The following ULK4 variants were observed in gnomAD, a reference collection of about 807,000 sequenced individuals.
The protein encoded by ULK4 is inactive serine/threonine-protein kinase ULK4.
Under a neutral mutation model 160.6 loss-of-function variants are expected in ULK4, and 133 were observed. That is an observed-to-expected ratio of 0.83 (90% CI 0.72 to 0.96). The LOEUF (loss-of-function observed/expected upper bound fraction) is 0.96, where lower values mean the gene tolerates loss of function less well. ULK4 is among the 40% of genes least tolerant of loss of function. The probability of loss-of-function intolerance (pLI) is 0.00; values close to 1 mark genes in which losing one functional copy is unlikely to be tolerated. For synonymous variants in ULK4, 534 were observed against 539.8 expected, an observed-to-expected ratio of 0.99 and a Z score of 0.15; for missense variants, 1,580 against 1,499.5, an observed-to-expected ratio of 1.05 and a Z score of -0.89.
chr3:41,428,691 T>C (rs1357109145), intron 34 of ULK4, among the ~76,000 whole-genome samples: 1 of 152,108 alleles, frequency 6.6e-6, no homozygotes, highest in Non-Finnish European at 1.5e-5. Flanking sequence ...ATGTAATAAG[T>C]GGTGCTGGGA....
chr3:41,432,109 G>C (rs140145743), intron 34 of ULK4, among the ~76,000 whole-genome samples: 331 of 152,032 alleles, frequency 2.2e-3, no homozygotes, highest in Non-Finnish European at 3.2e-3. Flanking sequence ...ATGCTATTAC[G>C]TGATTATCCC....
chr3:41,950,196 C>G (rs1700243442), intron 2 of ULK4, among the ~76,000 whole-genome samples: 1 of 152,000 alleles, frequency 6.6e-6, no homozygotes, highest in Non-Finnish European at 1.5e-5. Context: ...AAACAATCCT[C>G]CCACCTCACC....
intron 34 of ULK4, among the ~76,000 whole-genome samples, chr3:41,416,911 C>A (rs183397734): frequency 6.6e-6 from 1 of 152,082 alleles, no homozygotes; most frequent in African/African-American, 2.4e-5. Flanking sequence ...GAAGGAGAGT[C>A]GGGGGTAGGA....
intron 33 of ULK4, among the ~76,000 whole-genome samples, chr3:41,457,688 A>T (rs1156503335): frequency 2.6e-5 from 4 of 151,446 alleles, no homozygotes; most frequent in Non-Finnish European, 5.9e-5. Flanking sequence ...CAGCCTCCTA[A>T]CTCCTGGATT....
chr3:41,702,860 G>GTT (rs568730846), intron 27 of ULK4, among the ~76,000 whole-genome samples: 3 of 140,140 alleles, frequency 2.1e-5, no homozygotes, highest in South Asian at 2.3e-4. Context: ...TTTTGGTTTT[G>GTT]TTTTTTTTTT....
At chr3:41,575,130 C>T (rs2088143529) in intron 31 of ULK4, among the ~76,000 whole-genome samples, 1 of 152,146 alleles carries the variant, frequency 6.6e-6, no homozygotes, top group African/African-American at 2.4e-5. Context: ...CAAATACTGA[C>T]CCCTAAGGGT....
chr3:41,840,269 A>C (rs1313652938), intron 17 of ULK4, among the ~76,000 whole-genome samples: 1 of 152,140 alleles, frequency 6.6e-6, no homozygotes, highest in African/African-American at 2.4e-5. Context: ...TCTCTACAAA[A>C]ATAATTTTAA....
chr3:41,428,501 G>A (rs776629883), intron 34 of ULK4, among the ~76,000 whole-genome samples: 18 of 152,030 alleles, frequency 1.2e-4, no homozygotes, highest in Admixed American at 9.2e-4. Context: ...GAGGCATCAC[G>A]CTACCTGACT....
rs1230102485 is a variant in ULK4 at position 41,705,215 on chromosome 3, C to T, written c.2686+39G>A. On this transcript the variant is annotated intron_variant, in intron 26 of 36. Transcript: ENST00000301831. ...TGTTCTAAATCATAATATCAAAGTACCTCAAACAAAGACACAAAATGTTCC... is the reference window on the plus strand; with the variant it reads ...TGTTCTAAATCATAATATCAAAGTATCTCAAACAAAGACACAAAATGTTCC... 1.9e-6 allele frequency: 3 copies of T among 1,611,372 alleles called. No individual in the cohort carries two copies. In the South Asian group the frequency reaches 3.3e-5, roughly 18 times the overall value.
At chr3:41,416,336 G>C (rs548740694) in intron 34 of ULK4, among the ~76,000 whole-genome samples, 69 of 152,198 alleles carry the variant, frequency 4.5e-4, no homozygotes, top group African/African-American at 1.4e-3. Context: ...TGTAAAATCA[G>C]AAGTGACCAC....
intron 2 of ULK4, among the ~76,000 whole-genome samples, chr3:41,950,600 G>C (rs1241278999): frequency 6.6e-6 from 1 of 151,850 alleles, no homozygotes; most frequent in Non-Finnish European, 1.5e-5. Context: ...TGTTGCCCAG[G>C]CTGGTCTCAA....
chr3:41,683,042 G>A (rs954607014), intron 27 of ULK4, among the ~76,000 whole-genome samples: 4 of 152,128 alleles, frequency 2.6e-5, no homozygotes, highest in African/African-American at 7.2e-5. Flanking sequence ...GAGTAGGAAT[G>A]AGGCTTGGCT....
At chr3:41,306,208 CGGGAGGGAGGTGGGGG>C (rs1559515433) in intron 35 of ULK4, among the ~76,000 whole-genome samples, 979 of 63,898 alleles carry the variant, frequency 0.015, 99 homozygotes, top group East Asian at 0.077. Flanking sequence ...CCACCCCGCC[CGGGAGGGAGGTGGGGG>C]CGTCAGCCCC....
intron 34 of ULK4, among the ~76,000 whole-genome samples, chr3:41,439,716 A>G (rs533975518): frequency 6.6e-6 from 1 of 152,286 alleles, no homozygotes; most frequent in East Asian, 1.9e-4. Context: ...AAGGTCCTTT[A>G]TATTTCATGT....
chr3:41,248,122 G>A (rs1312712864), intron 36 of ULK4, among the ~76,000 whole-genome samples: 3 of 152,166 alleles, frequency 2.0e-5, no homozygotes, highest in Admixed American at 6.5e-5. Flanking sequence ...GCAGCTATAG[G>A]TCCCTACTAT....
intron 35 of ULK4, among the ~76,000 whole-genome samples, chr3:41,286,651 T>G (rs554489406): frequency 6.6e-6 from 1 of 152,258 alleles, no homozygotes; most frequent in East Asian, 1.9e-4. Context: ...GGGAGGCTGG[T>G]GCTGGGTGAA....
intron 17 of ULK4, among the ~76,000 whole-genome samples, chr3:41,842,814 A>T (rs1231813965): frequency 1.3e-5 from 2 of 152,244 alleles, no homozygotes; most frequent in Non-Finnish European, 2.9e-5. Flanking sequence ...CACAGGCATT[A>T]CTGGTGGGAT....
intron 30 of ULK4, among the ~76,000 whole-genome samples, chr3:41,619,279 T>C (rs759452403): frequency 2.6e-5 from 4 of 152,050 alleles, no homozygotes; most frequent in African/African-American, 4.8e-5. Flanking sequence ...GTGGACCTAA[T>C]AGATACCTAC....
chr3:41,570,823 G>A (rs953489905), intron 31 of ULK4, among the ~76,000 whole-genome samples: 3 of 152,042 alleles, frequency 2.0e-5, no homozygotes, highest in South Asian at 2.1e-4. Context: ...ATCAGGTCCC[G>A]GGACCCCCTG....
Sources: gnomAD v4.1 joint callset for allele counts (sites outside exome capture counted in the v4.1 genomes callset) on GRCh38, gnomAD v4.1.1 for gene constraint, MANE v1.5 for transcripts, NCBI Gene and HGNC (gene_info 2026-07-23, HGNC 2026-07-21) for gene names.